HOPX: variants seen among roughly 807,000 people sequenced by gnomAD.
HOPX encodes the protein homeodomain-only protein.
A neutral mutation model predicts 11.8 loss-of-function variants in HOPX; 5 were observed. That is an observed-to-expected ratio of 0.43 (90% confidence interval 0.22 to 0.89). The LOEUF is 0.89. Among genes scored for constraint, HOPX ranks in the 40% least tolerant of loss-of-function variants. The pLI, the probability that HOPX is intolerant of heterozygous loss-of-function variation, is 0.28. For missense variants in HOPX, 119 were observed against 120.0 expected (o/e 0.99, Z 0.04); for synonymous variants, 49 against 49.7 (o/e 0.99, Z 0.06).
intron 2 of HOPX, chr4:56,656,235 G>C (rs528405457): frequency 4.3e-6 from 5 of 1,157,562 alleles, no homozygotes; most frequent in Non-Finnish European, 5.4e-6. Context: ...GCGGGCTGAC[G>C]GCAGAGCCTA....
At chr4:56,660,195 TCTC>T (rs573821210) in intron 1 of HOPX, among the ~76,000 whole-genome samples, 146 of 152,298 alleles carry the variant, frequency 9.6e-4, no homozygotes, top group African/African-American at 3.1e-3. Flanking sequence ...GTATTACTGT[TCTC>T]CTCTAATTCC....
intron 1 of HOPX, among the ~76,000 whole-genome samples, chr4:56,661,281 G>C (rs1718106805): frequency 6.6e-6 from 1 of 152,154 alleles, no homozygotes; most frequent in Non-Finnish European, 1.5e-5. Context: ...TCTGCGTATA[G>C]AGAAGTTCGT....
chr4:56,658,272 G>C (rs1224927688), intron 1 of HOPX, among the ~76,000 whole-genome samples: 1 of 152,166 alleles, frequency 6.6e-6, no homozygotes, highest in East Asian at 1.9e-4. Flanking sequence ...CTCAAGGGCT[G>C]CTACTGGTCT....
chr4:56,658,792 T>C (rs760545307), intron 1 of HOPX, among the ~76,000 whole-genome samples: 10 of 152,370 alleles, frequency 6.6e-5, no homozygotes, highest in Non-Finnish European at 1.3e-4. Flanking sequence ...ACAAGTTTTA[T>C]TGTTGTGGCT....
intron 1 of HOPX, among the ~76,000 whole-genome samples, chr4:56,660,869 T>C (rs1334769598): frequency 6.6e-6 from 1 of 152,220 alleles, no homozygotes; most frequent in Non-Finnish European, 1.5e-5. Flanking sequence ...CCTGTTTTTT[T>C]CCCGGAGTCC....
intron 1 of HOPX, among the ~76,000 whole-genome samples, chr4:56,671,363 T>A (rs1375087342): frequency 6.6e-6 from 1 of 152,056 alleles, no homozygotes. Flanking sequence ...TCAGGTTAGT[T>A]GTGTATTTTG....
At chr4:56,677,789 T>G (rs1331573300) in intron 1 of HOPX, among the ~76,000 whole-genome samples, 1 of 151,516 alleles carries the variant, frequency 6.6e-6, no homozygotes, top group Non-Finnish European at 1.5e-5. Flanking sequence ...TGCTTTTGCC[T>G]GGGCCTGACC....
Position 56,657,803 on chromosome 4 carries a change from A to G in HOPX, c.14T>C (p.Leu5Pro), listed in dbSNP as rs1331662383. The change falls in exon 2 of 4, where the codon CTG becomes CCG. Residue 5 changes from leucine to proline, a missense_variant. By Grantham distance (98) the Leu-to-Pro change is moderately conservative. Coordinates refer to ENST00000420433, the MANE Select transcript of HOPX (RefSeq NM_032495.6). ...TTCCAGTCTTCTTCTGTAACAGCCCAGGAAAATGAGCATAGGAAGACTAAC... is the reference window on the plus strand; with the variant it reads ...TTCCAGTCTTCTTCTGTAACAGCCCGGGAAAATGAGCATAGGAAGACTAAC... Reference protein sequence around the residue: MLIFLGCYRRRLEER... With the variant: MLIFPGCYRRRLEER... The G allele has an allele frequency of 7.2e-7, 1 of 1,397,958 alleles. No individual in the cohort carries two copies. Among genetic ancestry groups the G allele is most frequent in the East Asian group, 2.5e-5 (1 of 40,208 alleles). The allele number at this position is 1,397,958 out of a possible 1,614,324, so 86.6% of individuals were successfully genotyped here. A position where few individuals can be genotyped will look rare whatever the true frequency, so the allele number is the denominator to read the frequency against.
At position 56,648,441 on chromosome 4, in the gene HOPX, T is replaced by G. The variant is rs1716851990; in HGVS notation, c.*279A>C. Reference sequence around the variant, plus strand: ...TGGTCAAAAGCAAACTTAGATGGTTTTCACACCATCTGTCATCATGACTCA... The same window carrying G: ...TGGTCAAAAGCAAACTTAGATGGTTGTCACACCATCTGTCATCATGACTCA... On this transcript the variant is annotated 3_prime_UTR_variant, in exon 4 of 4. Transcript: ENST00000420433. 6.1e-6 allele frequency: 2 copies of G among 325,204 alleles called. No individual in the cohort carries two copies. Among genetic ancestry groups the G allele is most frequent in the Non-Finnish European group, 5.6e-6 (1 of 179,842 alleles). 20.1% of individuals were successfully genotyped at this position (325,204 alleles called of 1,614,324 possible).
chr4:56,662,031 T>A (rs1358415584), intron 1 of HOPX, among the ~76,000 whole-genome samples: 1 of 152,042 alleles, frequency 6.6e-6, no homozygotes, highest in Non-Finnish European at 1.5e-5. Context: ...CAAAAGTAAA[T>A]ATCAAAGTCT....
intron 1 of HOPX, chr4:56,680,976 A>G (rs1719295357): frequency 2.1e-6 from 2 of 967,818 alleles, no homozygotes; most frequent in South Asian, 9.5e-5. Context: ...AGAAGCGAGT[A>G]AGAAAAACAT....
At chr4:56,674,700 C>T (rs572481838) in intron 1 of HOPX, among the ~76,000 whole-genome samples, 1 of 151,628 alleles carries the variant, frequency 6.6e-6, no homozygotes, top group East Asian at 1.9e-4. Context: ...AAGCAAATTA[C>T]AAGAAATTAT....
chr4:56,648,536 C>G lies in HOPX; in HGVS notation c.*184G>C. On this transcript the variant is annotated 3_prime_UTR_variant, in exon 4 of 4. Coordinates refer to ENST00000420433, the MANE Select transcript of HOPX (RefSeq NM_032495.6). ...TTACACAGAAGATACACATAGCTTCCTATTGTTATTTTCTTTTCTAATTAT... is the reference window on the plus strand; with the variant it reads ...TTACACAGAAGATACACATAGCTTCGTATTGTTATTTTCTTTTCTAATTAT... 1 of 445,602 alleles carries G rather than the reference C, an allele frequency of 2.2e-6. No individual in the cohort carries two copies. The highest frequency in any genetic ancestry group is 4.1e-6 in the Non-Finnish European group (1 of 246,724). 27.6% of individuals were successfully genotyped at this position (445,602 alleles called of 1,614,324 possible).
intron 1 of HOPX, among the ~76,000 whole-genome samples, chr4:56,660,183 A>C (rs6817875): frequency 0.33 from 50,041 of 152,034 alleles, 8,614 homozygotes; most frequent in Middle Eastern, 0.43. Flanking sequence ...TGGCAGTCTT[A>C]AGTATTACTG....
At chr4:56,666,597 C>G (rs554417189) in intron 1 of HOPX, among the ~76,000 whole-genome samples, 39 of 152,184 alleles carry the variant, frequency 2.6e-4, no homozygotes, top group African/African-American at 9.4e-4. Flanking sequence ...TATGTGGAAA[C>G]CTGGGGAAAC....
Position 56,648,562 on chromosome 4 carries a change from G to A in HOPX, c.*158C>T, listed in dbSNP as rs976969708. On this transcript the variant is annotated 3_prime_UTR_variant, in exon 4 of 4. Transcript: ENST00000420433. ...TATTGTTATTTTCTTTTCTAATTAT[G>A]TACATTTAGAAAAAAAATACAACAC... is the stretch of plus-strand genomic sequence containing the variant. 31 of 483,432 alleles carry A rather than the reference G, an allele frequency of 6.4e-5. No homozygotes were observed. The highest frequency in any genetic ancestry group is 1.1e-4 in the Non-Finnish European group (29 of 265,600). The allele number at this position is 483,432 out of a possible 1,614,324, so 29.9% of individuals were successfully genotyped here. A position where few individuals can be genotyped will look rare whatever the true frequency, so the allele number is the denominator to read the frequency against.
At chr4:56,665,781 T>C (rs1227756114) in intron 1 of HOPX, 1 of 152,192 alleles carries the variant, frequency 6.6e-6, no homozygotes, top group Admixed American at 6.5e-5. Flanking sequence ...TGGAAACTTA[T>C]ATACCCTTCC....
At chr4:56,655,750 T>A in intron 3 of HOPX, 107 bp downstream of exon 3, 1 of 1,284,270 alleles carries the variant, frequency 7.8e-7, no homozygotes, top group South Asian at 1.3e-5. Context: ...TGGGAGATCA[T>A]GGGGAGGGCA....
chr4:56,681,705 G>T (rs891547182), upstream of HOPX: 6 of 993,770 alleles, frequency 6.0e-6, no homozygotes, highest in Non-Finnish European at 7.3e-6. Flanking sequence ...TAGATCTGGT[G>T]CGGTTGATTT....
Sources: allele counts gnomAD v4.1 joint callset (sites outside exome capture counted in the v4.1 genomes callset), GRCh38; gene constraint gnomAD v4.1.1; transcripts MANE v1.5; gene names NCBI Gene and HGNC (gene_info 2026-07-23, HGNC 2026-07-21).